Variants in SLC44A5 observed in about 807,000 individuals in gnomAD.
The protein encoded by SLC44A5 is choline transporter-like protein 5.
In SLC44A5, 57 loss-of-function variants were observed where a neutral mutation model predicts 101.8. The observed-to-expected ratio is 0.56, with a 90% confidence interval of 0.45 to 0.70. SLC44A5 has a LOEUF of 0.70. Ranked by LOEUF, SLC44A5 falls within the 30% of genes least tolerant of loss-of-function variation. SLC44A5 has a pLI of 0.00. For synonymous variants in SLC44A5, 281 were observed against 290.9 expected, an observed-to-expected ratio of 0.97 and a Z score of 0.35; for missense variants, 737 against 853.1, an observed-to-expected ratio of 0.86 and a Z score of 1.70.
the SLC44A5 span, among the ~76,000 whole-genome samples, chr1:75,631,539 A>ATTTTT: frequency 2.8e-4 from 23 of 80,830 alleles, no homozygotes; most frequent in African/African-American, 5.7e-4. Context: ...CACCTGGCTA[A>ATTTTT]TTTTTTTTTT....
At chr1:75,665,479 A>G in the SLC44A5 span, among the ~76,000 whole-genome samples, 6 of 152,216 alleles carry the variant, frequency 3.9e-5, no homozygotes, top group Non-Finnish European at 8.8e-5. Context: ...ATTTAAATGT[A>G]AGATCTCAAA....
intron 4 of SLC44A5, among the ~76,000 whole-genome samples, chr1:75,328,041 T>A (rs997217015): frequency 2.0e-5 from 3 of 152,222 alleles, no homozygotes; most frequent in African/African-American, 7.2e-5. Context: ...GGTTACATGG[T>A]AGGTGGTGCC....
intron 7 of SLC44A5, among the ~76,000 whole-genome samples, chr1:75,249,755 T>C (rs1198582727): frequency 6.6e-6 from 1 of 152,134 alleles, no homozygotes; most frequent in African/African-American, 2.4e-5. Flanking sequence ...GGACTTTGAG[T>C]TAAAAACAGT....
At chr1:75,451,836 T>G (rs1368895596) in intron 2 of SLC44A5, among the ~76,000 whole-genome samples, 1 of 152,048 alleles carries the variant, frequency 6.6e-6, no homozygotes, top group Non-Finnish European at 1.5e-5. Context: ...AAACAAAGTC[T>G]TCAAAAAATA....
At chr1:75,333,489 C>T (rs1010819297) in intron 4 of SLC44A5, among the ~76,000 whole-genome samples, 1 of 150,024 alleles carries the variant, frequency 6.7e-6, no homozygotes, top group Admixed American at 6.6e-5. Context: ...AAAATGTCAC[C>T]GTCTACAAGT....
intron 1 of SLC44A5, among the ~76,000 whole-genome samples, chr1:75,593,837 G>C (rs1460014340): frequency 6.6e-6 from 1 of 151,954 alleles, no homozygotes; most frequent in Non-Finnish European, 1.5e-5. Context: ...AGGCTGAGAA[G>C]GGTAGTCAGG....
chr1:75,224,769 TAA>T (rs35175526), intron 13 of SLC44A5, among the ~76,000 whole-genome samples: 6,761 of 141,746 alleles, frequency 0.048, 186 homozygotes, highest in Middle Eastern at 0.098. Context: ...ATATTGGAAG[TAA>T]AAAAAAAAAA....
intron 23 of SLC44A5, among the ~76,000 whole-genome samples, chr1:75,207,060 G>A (rs1646762017): frequency 6.6e-6 from 1 of 152,072 alleles, no homozygotes. Flanking sequence ...AAATCCTCCG[G>A]GATGGAGCTG....
the SLC44A5 span, among the ~76,000 whole-genome samples, chr1:75,626,960 T>C: frequency 6.6e-6 from 1 of 152,158 alleles, no homozygotes; most frequent in African/African-American, 2.4e-5. Context: ...CTCAACATTC[T>C]ATGTTCTAGG....
chr1:75,290,917 A>C (rs1003011074), intron 5 of SLC44A5, among the ~76,000 whole-genome samples: 3 of 152,224 alleles, frequency 2.0e-5, no homozygotes, highest in Non-Finnish European at 2.9e-5. Context: ...AGCAATAGCA[A>C]AGAGCAAGAA....
chr1:75,497,111 C>T (rs1024299266), intron 2 of SLC44A5, among the ~76,000 whole-genome samples: 24 of 152,060 alleles, frequency 1.6e-4, no homozygotes, highest in African/African-American at 5.8e-4. Context: ...GCTATATATA[C>T]GATCCAGCAA....
At chr1:75,476,395 G>A (rs1342648191) in intron 2 of SLC44A5, among the ~76,000 whole-genome samples, 3 of 152,158 alleles carry the variant, frequency 2.0e-5, no homozygotes, top group South Asian at 4.1e-4. Context: ...GCCAGACAGT[G>A]GGCGCAGGAC....
intron 3 of SLC44A5, among the ~76,000 whole-genome samples, chr1:75,353,620 G>T (rs1435097760): frequency 6.6e-6 from 1 of 152,128 alleles, no homozygotes; most frequent in Non-Finnish European, 1.5e-5. Flanking sequence ...CTCCACACAG[G>T]CTGATGCCAG....
intron 6 of SLC44A5, among the ~76,000 whole-genome samples, chr1:75,267,199 T>C (rs779265465): frequency 7.0e-4 from 107 of 152,278 alleles, no homozygotes; most frequent in Non-Finnish European, 1.2e-3. Flanking sequence ...TGTTCTCTCA[T>C]TTAATTTTTG....
intron 4 of SLC44A5, among the ~76,000 whole-genome samples, chr1:75,334,568 T>C (rs548989167): frequency 1.3e-5 from 2 of 152,280 alleles, no homozygotes; most frequent in African/African-American, 4.8e-5. Flanking sequence ...GTTTAACAAC[T>C]AGTTTGATTG....
chr1:75,565,026 C>T (rs1570625963), intron 1 of SLC44A5, among the ~76,000 whole-genome samples: 1 of 152,040 alleles, frequency 6.6e-6, no homozygotes, highest in African/African-American at 2.4e-5. Context: ...CTGCAAATGA[C>T]CTAGAACCAT....
chr1:75,714,375 G>C, the SLC44A5 span, among the ~76,000 whole-genome samples: 1 of 152,072 alleles, frequency 6.6e-6, no homozygotes, highest in Non-Finnish European at 1.5e-5. Context: ...TGAAGTGATG[G>C]CTCAAAACAA....
chr1:75,519,184 C>T (rs535285491), intron 2 of SLC44A5, among the ~76,000 whole-genome samples: 15 of 152,158 alleles, frequency 9.9e-5, no homozygotes, highest in Admixed American at 2.6e-4. Flanking sequence ...AGACAAGTTT[C>T]GCACAAAGTG....
chr1:75,474,981 G>A (rs1026134527), intron 2 of SLC44A5, among the ~76,000 whole-genome samples: 3 of 152,216 alleles, frequency 2.0e-5, no homozygotes, highest in Admixed American at 1.3e-4. Flanking sequence ...TCAACTGCCT[G>A]AATGAAATGC....
Sources: allele counts gnomAD v4.1 joint callset (sites outside exome capture counted in the v4.1 genomes callset), GRCh38; gene constraint gnomAD v4.1.1; transcripts MANE v1.5; gene names NCBI Gene and HGNC (gene_info 2026-07-23, HGNC 2026-07-21).